The following PHTF2 variants were observed in gnomAD, a reference collection of about 807,000 sequenced individuals.
The protein encoded by PHTF2 is protein PHTF2.
PHTF2 carries 60 observed loss-of-function variants against 101.2 expected under a neutral mutation model. The ratio of observed to expected loss-of-function variants is 0.59; its 90% CI spans 0.48 to 0.73. PHTF2 has a LOEUF of 0.73. PHTF2 is among the 30% of genes least tolerant of loss of function. The pLI, the probability that PHTF2 is intolerant of heterozygous loss-of-function variation, is 0.00. For missense variants in PHTF2, 747 were observed against 908.7 expected (o/e 0.82, Z 2.29); for synonymous variants, 311 against 307.3 (o/e 1.01, Z -0.13).
In PHTF2 at chr7:77,854,794, AG is replaced by A. The variant is rs1271805757; in HGVS notation, c.108del (p.Gln36HisfsTer14). 2 of 754,516 alleles carry A rather than the reference AG, an allele frequency of 2.7e-6. No individual in the cohort carries two copies. Among genetic ancestry groups the A allele is most frequent in the Non-Finnish European group, 4.9e-6 (2 of 411,972 alleles). The allele number at this position is 754,516 out of a possible 1,614,324, so 46.7% of individuals were successfully genotyped here. A position where few individuals can be genotyped will look rare whatever the true frequency, so the allele number is the denominator to read the frequency against. On this transcript the variant is annotated frameshift_variant, in exon 3 of 20. Transcript: ENST00000416283. LOFTEE classifies it high-confidence loss of function. ...CAGCAAGTACTGCCTGGCTACTGCC[AG>A]TGTTCACTCAAGGACCAAGGGCTCT... is the stretch of plus-strand genomic sequence containing the variant.
At chr7:77,852,057 G>T (rs941709024) in intron 2 of PHTF2, among the ~76,000 whole-genome samples, 4 of 152,072 alleles carry the variant, frequency 2.6e-5, no homozygotes, top group African/African-American at 9.7e-5. Flanking sequence ...AGATAGCCTT[G>T]CTTTGTTGCC....
intron 7 of PHTF2, among the ~76,000 whole-genome samples, chr7:77,905,239 T>C (rs1801744697): frequency 6.6e-6 from 1 of 152,156 alleles, no homozygotes; most frequent in African/African-American, 2.4e-5. Flanking sequence ...CTATTCTGTT[T>C]TTTAGACATA....
At chr7:77,821,702 T>C (rs1416589532) in intron 1 of PHTF2, among the ~76,000 whole-genome samples, 1 of 151,766 alleles carries the variant, frequency 6.6e-6, no homozygotes, top group Non-Finnish European at 1.5e-5. Flanking sequence ...AATGAATCTG[T>C]CTACCGGGGG....
intron 3 of PHTF2, among the ~76,000 whole-genome samples, chr7:77,893,223 T>G (rs570277514): frequency 1.8e-4 from 28 of 152,186 alleles, no homozygotes; most frequent in African/African-American, 6.7e-4. Flanking sequence ...ACCTGATAGT[T>G]TTTTGTTTTT....
At chr7:77,890,880 C>T (rs1800336353) in intron 3 of PHTF2, among the ~76,000 whole-genome samples, 1 of 148,704 alleles carries the variant, frequency 6.7e-6, no homozygotes. Context: ...GCTGGGATTA[C>T]AGGCGTGAGC....
At chr7:77,868,393 T>C (rs900774888) in intron 3 of PHTF2, among the ~76,000 whole-genome samples, 15 of 131,116 alleles carry the variant, frequency 1.1e-4, no homozygotes, top group African/African-American at 1.7e-4. Context: ...GGTCTTGAAC[T>C]CCCGGCTTCA....
At chr7:77,923,376 C>CT in intron 11 of PHTF2, 2 of 973,592 alleles carry the variant, frequency 2.1e-6, no homozygotes, top group African/African-American at 1.8e-5. Context: ...CTGTTTATCA[C>CT]TTTTTTATAA....
chr7:77,914,702 T>G (rs848478), intron 9 of PHTF2, among the ~76,000 whole-genome samples: 63,136 of 151,910 alleles, frequency 0.42, 15,460 homozygotes, highest in East Asian at 0.68. Flanking sequence ...CCTCAGAATC[T>G]TAGGGATTCT....
At chr7:77,870,587 G>C (rs575298950) in intron 3 of PHTF2, among the ~76,000 whole-genome samples, 9 of 152,142 alleles carry the variant, frequency 5.9e-5, no homozygotes, top group African/African-American at 1.9e-4. Flanking sequence ...GGGTGGGTCT[G>C]CTTTTCCCAG....
intron 3 of PHTF2, among the ~76,000 whole-genome samples, chr7:77,863,224 G>C (rs1584519413): frequency 6.6e-6 from 1 of 152,290 alleles, no homozygotes; most frequent in South Asian, 2.1e-4. Context: ...AAGAGTTCTG[G>C]TTTACCTAGT....
intron 2 of PHTF2, among the ~76,000 whole-genome samples, chr7:77,844,338 G>A (rs538401870): frequency 2.0e-5 from 3 of 152,166 alleles, no homozygotes; most frequent in African/African-American, 4.8e-5. Context: ...AAATTGTGAC[G>A]TTTTTATATT....
chr7:77,929,082 T>C (rs1339843471), intron 11 of PHTF2, 27 bp from the exon 11 acceptor site: 3 of 1,522,136 alleles, frequency 2.0e-6, no homozygotes, highest in Non-Finnish European at 2.7e-6. Flanking sequence ...TAAATTGTAT[T>C]AATGTCAAAG....
chr7:77,831,752 T>C (rs2150552954), intron 1 of PHTF2, among the ~76,000 whole-genome samples: 1 of 152,338 alleles, frequency 6.6e-6, no homozygotes, highest in African/African-American at 2.4e-5. Context: ...GTTTCACTAC[T>C]TGGGTCAAAG....
chr7:77,854,627 A>G (rs1383391931), intron 2 of PHTF2: 6 of 638,406 alleles, frequency 9.4e-6, no homozygotes, highest in Non-Finnish European at 1.7e-5. Flanking sequence ...GCCTGGAGTC[A>G]GGAATCTTAG....
intron 1 of PHTF2, among the ~76,000 whole-genome samples, chr7:77,829,017 TAAA>T (rs919454366): frequency 6.6e-6 from 1 of 151,330 alleles, no homozygotes; most frequent in Non-Finnish European, 1.5e-5. Context: ...CACAAGAAGT[TAAA>T]AAATAAAAAA....
At chr7:77,870,108 T>G (rs1798393642) in intron 3 of PHTF2, among the ~76,000 whole-genome samples, 1 of 152,152 alleles carries the variant, frequency 6.6e-6, no homozygotes, top group Non-Finnish European at 1.5e-5. Flanking sequence ...ATTTGTCTAT[T>G]TTTGCTTTTG....
intron 1 of PHTF2, among the ~76,000 whole-genome samples, chr7:77,839,510 G>C (rs899209529): frequency 6.6e-6 from 1 of 152,102 alleles, no homozygotes; most frequent in Non-Finnish European, 1.5e-5. Context: ...TCTGTTTCTT[G>C]TAAGTTACAA....
intron 2 of PHTF2, among the ~76,000 whole-genome samples, chr7:77,850,084 A>G (rs966639275): frequency 3.3e-5 from 5 of 151,486 alleles, no homozygotes; most frequent in African/African-American, 1.2e-4. Context: ...GGCATGGTGG[A>G]TCATGCCTGC....
intron 3 of PHTF2, among the ~76,000 whole-genome samples, chr7:77,855,765 G>A (rs1562879475): frequency 6.6e-6 from 1 of 152,074 alleles, no homozygotes; most frequent in Non-Finnish European, 1.5e-5. Flanking sequence ...GGGCAGCACC[G>A]AGTTCCAATG....
Sources: allele counts gnomAD v4.1 joint callset (sites outside exome capture counted in the v4.1 genomes callset), GRCh38; gene constraint gnomAD v4.1.1; transcripts MANE v1.5; gene names NCBI Gene and HGNC (gene_info 2026-07-23, HGNC 2026-07-21).